TAFA1: variants seen among roughly 807,000 people sequenced by gnomAD.
The protein encoded by TAFA1 is TAFA chemokine like family member 1, also known as chemokine-like protein TAFA-1.
Under a neutral mutation model 18.5 loss-of-function variants are expected in TAFA1, and 4 were observed. The ratio of observed to expected loss-of-function variants is 0.22; its 90% confidence interval spans 0.11 to 0.49. The LOEUF is 0.49. Among genes scored for constraint, TAFA1 ranks in the 20% least tolerant of loss-of-function variants. The pLI is 0.98. For missense variants in TAFA1, 147 were observed against 169.0 expected (o/e 0.87, Z 0.72); for synonymous variants, 56 against 55.2 (o/e 1.01, Z -0.06).
intron 2 of TAFA1, among the ~76,000 whole-genome samples, chr3:68,075,842 A>G (rs1055162561): frequency 3.9e-5 from 6 of 152,004 alleles, no homozygotes; most frequent in African/African-American, 1.4e-4. Flanking sequence ...GACTACAGGC[A>G]CATGCCACCA....
At chr3:68,143,556 G>A (rs1245140474) in intron 2 of TAFA1, among the ~76,000 whole-genome samples, 4 of 152,152 alleles carry the variant, frequency 2.6e-5, no homozygotes, top group Non-Finnish European at 4.4e-5. Context: ...TGTGTCCATT[G>A]TAGGGTTCTT....
intron 2 of TAFA1, among the ~76,000 whole-genome samples, chr3:68,402,365 C>G (rs17047633): frequency 0.048 from 7,362 of 152,228 alleles, 483 homozygotes; most frequent in African/African-American, 0.15. Context: ...TTCGGACGGC[C>G]TTAGACTTCT....
At chr3:68,408,790 C>T (rs759664392) in intron 2 of TAFA1, among the ~76,000 whole-genome samples, 5 of 152,116 alleles carry the variant, frequency 3.3e-5, no homozygotes, top group Non-Finnish European at 7.3e-5. Context: ...GCCCATAATT[C>T]CAGTTGGGAG....
In TAFA1 at chr3:68,120,186, TTTCTTTC is replaced by T. The variant is rs2065376091; in HGVS notation, c.118+113445_118+113451del. On this transcript the variant is annotated intron_variant, in intron 2 of 4. Coordinates refer to ENST00000478136, the MANE Select transcript of TAFA1 (RefSeq NM_213609.4). The stretch of plus-strand genomic sequence containing the variant: ...CTCTTTCTTTCTCTTTCTTTCTTTC[TTTCTTTC>T]TTTCTTTCTTTCTTTCTTTCTTTCT... Among the ~76,000 whole-genome samples the T allele has an allele frequency of 1.2e-4, 3 of 25,224 alleles. No individual in the cohort carries two copies. In the Admixed American group the frequency reaches 1.6e-3, roughly 13 times the overall value. The allele number at this position is 25,224 out of a possible 152,430, so 16.5% of individuals were successfully genotyped here.
chr3:68,263,179 T>A (rs1369611869), intron 2 of TAFA1, among the ~76,000 whole-genome samples: 1 of 152,124 alleles, frequency 6.6e-6, no homozygotes, highest in Admixed American at 6.6e-5. Flanking sequence ...TCAGAGATTC[T>A]AATATCCCTC....
intron 3 of TAFA1, among the ~76,000 whole-genome samples, chr3:68,464,171 C>T (rs1358968272): frequency 6.6e-6 from 1 of 152,130 alleles, no homozygotes; most frequent in Non-Finnish European, 1.5e-5. Context: ...TACCATGTAC[C>T]AGAGACTGGT....
At chr3:68,410,325 T>A (rs1451347417) in intron 2 of TAFA1, among the ~76,000 whole-genome samples, 1 of 151,960 alleles carries the variant, frequency 6.6e-6, no homozygotes, top group Admixed American at 6.6e-5. Flanking sequence ...GAGAAGAAAG[T>A]CCACTGTTTT....
intron 2 of TAFA1, among the ~76,000 whole-genome samples, chr3:68,320,056 T>C (rs1449315690): frequency 6.6e-6 from 1 of 152,204 alleles, no homozygotes. Flanking sequence ...TATATGGATA[T>C]ATATAATATT....
rs566285587 is a variant in TAFA1 at position 68,208,752 on chromosome 3, C to G, written c.118+202008C>G. On this transcript the variant is annotated intron_variant, in intron 2 of 4. Transcript: ENST00000478136. Reference sequence around the variant, plus strand: ...AGGTTGTTTGCATATGCCTGTAGCTCAGGCTGCCCTGCTGTGCAGAATTTC... The same window carrying G: ...AGGTTGTTTGCATATGCCTGTAGCTGAGGCTGCCCTGCTGTGCAGAATTTC... Among the ~76,000 whole-genome samples, 7 of 152,098 alleles carry G rather than the reference C, an allele frequency of 4.6e-5. No individual in the cohort carries two copies. The South Asian group carries it at 1.4e-3, about 32-fold the overall frequency.
At chr3:68,061,342 A>C (rs929635526) in intron 2 of TAFA1, among the ~76,000 whole-genome samples, 1 of 152,158 alleles carries the variant, frequency 6.6e-6, no homozygotes, top group African/African-American at 2.4e-5. Flanking sequence ...TGTTTGTATA[A>C]ACTTCCCATT....
At chr3:68,133,892 C>G (rs2065573518) in intron 2 of TAFA1, among the ~76,000 whole-genome samples, 1 of 151,750 alleles carries the variant, frequency 6.6e-6, no homozygotes, top group African/African-American at 2.4e-5. Flanking sequence ...AAGGGTAGTT[C>G]TAAATAAAGA....
At chr3:68,184,259 C>T (rs73834878) in intron 2 of TAFA1, among the ~76,000 whole-genome samples, 9,467 of 152,076 alleles carry the variant, frequency 0.062, 383 homozygotes, top group African/African-American at 0.1. Flanking sequence ...AGGATGGATA[C>T]GGTAATGAAA....
Position 68,025,709 on chromosome 3 carries a change from G to A in TAFA1, c.118+18965G>A, listed in dbSNP as rs570324276. The stretch of plus-strand genomic sequence containing the variant: ...TATTCATTGGCTCTTGCTCTGTTTG[G>A]AATGCTCTTCCCCAGATGTCTACGT... On this transcript the variant is annotated intron_variant, in intron 2 of 4. Transcript: ENST00000478136. 3.3e-5 allele frequency among the ~76,000 whole-genome samples: 5 copies of A among 152,150 alleles called. No individual in the cohort carries two copies. The South Asian group carries it at 1.0e-3, about 32-fold the overall frequency.
At chr3:68,539,688 TGGGGTGGGTGGGTGG>T (rs2073339972) in intron 4 of TAFA1, among the ~76,000 whole-genome samples, 1 of 12,452 alleles carries the variant, frequency 8.0e-5, no homozygotes, top group Non-Finnish European at 1.4e-4. Flanking sequence ...TGGGGGGGCA[TGGGGTGGGTGGGTGG>T]GTGTGTGCAT....
intron 3 of TAFA1, among the ~76,000 whole-genome samples, chr3:68,520,713 G>T (rs907491704): frequency 6.6e-6 from 1 of 152,196 alleles, no homozygotes; most frequent in Non-Finnish European, 1.5e-5. Flanking sequence ...TGCTATGAGG[G>T]ACAGTGTGAT....
At chr3:68,257,022 G>T (rs774864646) in intron 2 of TAFA1, among the ~76,000 whole-genome samples, 1 of 152,052 alleles carries the variant, frequency 6.6e-6, no homozygotes, top group Non-Finnish European at 1.5e-5. Context: ...TCAAGCTCTT[G>T]CCTCCTTTCC....
chr3:68,500,579 A>C (rs1348879405), intron 3 of TAFA1, among the ~76,000 whole-genome samples: 2 of 152,152 alleles, frequency 1.3e-5, no homozygotes, highest in African/African-American at 4.8e-5. Context: ...GTTTTATTGT[A>C]ACTTAGTCAC....
At chr3:68,299,738 G>T (rs1231218297) in intron 2 of TAFA1, among the ~76,000 whole-genome samples, 1 of 152,214 alleles carries the variant, frequency 6.6e-6, no homozygotes, top group Non-Finnish European at 1.5e-5. Flanking sequence ...TTGCTGCCTT[G>T]TGCAGTCTTG....
At chr3:68,168,288 T>C (rs1267275249) in intron 2 of TAFA1, among the ~76,000 whole-genome samples, 2 of 152,250 alleles carry the variant, frequency 1.3e-5, no homozygotes, top group East Asian at 1.9e-4. Flanking sequence ...AATGTGTCTC[T>C]ATGAATTTTA....
Sources: allele counts gnomAD v4.1 joint callset (sites outside exome capture counted in the v4.1 genomes callset), GRCh38; gene constraint gnomAD v4.1.1; transcripts MANE v1.5; gene names NCBI Gene and HGNC (gene_info 2026-07-23, HGNC 2026-07-21).